Variants in TTC7A observed in about 807,000 individuals in gnomAD.
TTC7A encodes the protein tetratricopeptide repeat domain 7A.
In TTC7A, 110 loss-of-function variants were observed where a neutral mutation model predicts 103.7. The ratio of observed to expected loss-of-function variants is 1.06; its 90% CI spans 0.91 to 1.24. The LOEUF is 1.24. Ranked by LOEUF, TTC7A falls within the 50% of genes most tolerant of loss-of-function variation. The pLI is 0.00. For synonymous variants in TTC7A, 521 were observed against 467.9 expected, an observed-to-expected ratio of 1.11 and a Z score of -1.47; for missense variants, 1,340 against 1,116.3, an observed-to-expected ratio of 1.20 and a Z score of -2.86.
At chr2:46,980,672 G>A (rs1478843374) in intron 5 of TTC7A, among the ~76,000 whole-genome samples, 1 of 152,198 alleles carries the variant, frequency 6.6e-6, no homozygotes, top group African/African-American at 2.4e-5. Context: ...TGGGGCAGGG[G>A]AAATGGAAGG....
intron 14 of TTC7A, among the ~76,000 whole-genome samples, chr2:47,025,103 C>G (rs1262863751): frequency 6.6e-6 from 1 of 152,226 alleles, no homozygotes; most frequent in African/African-American, 2.4e-5. Flanking sequence ...CTTTGGCTCT[C>G]ACAGTGGAGC....
intron 3 of TTC7A, among the ~76,000 whole-genome samples, chr2:46,958,903 G>C (rs1340874796): frequency 1.3e-5 from 2 of 152,162 alleles, no homozygotes; most frequent in African/African-American, 4.8e-5. Flanking sequence ...TGGCAGCAGG[G>C]GCCACAGAGT....
At chr2:47,036,935 C>T (rs911104749) in intron 15 of TTC7A, among the ~76,000 whole-genome samples, 2 of 152,196 alleles carry the variant, frequency 1.3e-5, no homozygotes, top group African/African-American at 4.8e-5. Flanking sequence ...AGCATATCCC[C>T]CGCATCCTGG....
Position 46,933,742 on chromosome 2 carries a change from G to T in TTC7A, c.82+16465G>T, listed in dbSNP as rs372805212. Among the ~76,000 whole-genome samples, 17 of 152,362 alleles carry T rather than the reference G, an allele frequency of 1.1e-4. 1 individual carries two copies. The South Asian group carries it at 3.5e-3, about 32-fold the overall frequency. ...TGTGCTCTACTTCGCATATACTGAT[G>T]ATCTGAGTGGCTGAAATGACTGTTG... On this transcript the variant is annotated intron_variant, in intron 2 of 20. Transcript: ENST00000409245.
At chr2:46,922,437 A>AT (rs568302793) in intron 2 of TTC7A, among the ~76,000 whole-genome samples, 2 of 151,992 alleles carry the variant, frequency 1.3e-5, no homozygotes, top group Admixed American at 6.6e-5. Flanking sequence ...ATTTTTAGTT[A>AT]TTTTTTTAAC....
intron 11 of TTC7A, among the ~76,000 whole-genome samples, chr2:47,015,607 C>T (rs1678562984): frequency 6.6e-6 from 1 of 152,176 alleles, no homozygotes; most frequent in African/African-American, 2.4e-5. Context: ...TCATGTCCGC[C>T]ATTATGGGGT....
rs1327630042 is a variant in TTC7A at position 46,950,428 on chromosome 2, A to G, written c.250A>G (p.Lys84Glu). The change falls in exon 2 of 20, where the codon AAA becomes GAA. Residue 84 changes from lysine (K) to glutamate (E), a missense_variant. Coordinates refer to ENST00000319190, the MANE Select transcript of TTC7A (RefSeq NM_020458.4). ...LEQCLKENHA[K>E]IKDSMPLLEK... is the part of the protein sequence containing the mutation. ...GCAGTGTTTGAAGGAGAACCATGCC[A>G]AAATAAAAGACTCCATGCCTTTGCT... is the stretch of plus-strand genomic sequence containing the variant. The G allele has an allele frequency of 6.2e-7, 1 of 1,614,070 alleles. No individual in the cohort carries two copies. The highest frequency in any genetic ancestry group is 8.5e-7 in the Non-Finnish European group (1 of 1,180,052).
intron 4 of TTC7A, among the ~76,000 whole-genome samples, chr2:46,976,225 G>T (rs192509066): frequency 7.4e-4 from 112 of 152,264 alleles, no homozygotes; most frequent in African/African-American, 2.5e-3. Flanking sequence ...GGATGAAATC[G>T]GTCCTGTTGT....
At chr2:47,043,019 T>G (rs1681930051) in intron 15 of TTC7A, among the ~76,000 whole-genome samples, 1 of 152,106 alleles carries the variant, frequency 6.6e-6, no homozygotes, top group Non-Finnish European at 1.5e-5. Context: ...TCCCCCTGGC[T>G]GTGAGGGCCC....
chr2:46,989,820 C>CTG (rs10650352), intron 5 of TTC7A, among the ~76,000 whole-genome samples: 78,123 of 137,426 alleles, frequency 0.57, 20,454 homozygotes, highest in East Asian at 0.73. Context: ...GTGTGTGCAT[C>CTG]TGTGTGTGTG....
rs1416207300 is a variant in TTC7A, at chr2:47,007,960, C to G, written c.1287+1236C>G. On this transcript the variant is annotated intron_variant, in intron 10 of 19. Transcript: ENST00000319190. This position sits in a 1 kb window ranked among gnomAD's most constrained non-coding sequence, Gnocchi z 4.9. ...GAGTGAGAGAAACCCTCCTACAGAA[C>G]TGCAGGCAAAGGAGACAATGTGGGC... Among the ~76,000 whole-genome samples, 1 of 152,222 alleles carries G rather than the reference C, an allele frequency of 6.6e-6. No individual in the cohort carries two copies. Among genetic ancestry groups the G allele is most frequent in the African/African-American group, 2.4e-5 (1 of 41,454 alleles).
intron 1 of TTC7A, chr2:46,916,623 TTTTG>T (rs1289581766): frequency 6.4e-6 from 1 of 156,754 alleles, no homozygotes; most frequent in Non-Finnish European, 1.4e-5. Flanking sequence ...AGGACGGTCG[TTTTG>T]TTTTTTTGTT....
intron 15 of TTC7A, among the ~76,000 whole-genome samples, chr2:47,044,559 G>T (rs1325422432): frequency 6.6e-6 from 1 of 152,208 alleles, no homozygotes; most frequent in Non-Finnish European, 1.5e-5. Flanking sequence ...GGACCTGATA[G>T]GCAAGCCAGG....
intron 3 of TTC7A, among the ~76,000 whole-genome samples, chr2:46,960,583 A>G (rs1364887117): frequency 2.6e-5 from 4 of 152,176 alleles, no homozygotes; most frequent in African/African-American, 7.2e-5. Context: ...ACACCTTACA[A>G]CTTTCCCAGG....
At chr2:47,030,856 C>T (rs1439601304) in intron 15 of TTC7A, among the ~76,000 whole-genome samples, 3 of 152,214 alleles carry the variant, frequency 2.0e-5, no homozygotes, top group Non-Finnish European at 4.4e-5. Context: ...ATTCAAGAGA[C>T]TACTAAAGGC....
chr2:46,930,659 G>A (rs890960487), intron 2 of TTC7A, among the ~76,000 whole-genome samples: 30 of 152,000 alleles, frequency 2.0e-4, no homozygotes, highest in Non-Finnish European at 3.2e-4. Context: ...GCAACCACGT[G>A]CAGCTAATTT....
At chr2:46,973,944 A>G (rs1224491189) in intron 3 of TTC7A, among the ~76,000 whole-genome samples, 1 of 152,108 alleles carries the variant, frequency 6.6e-6, no homozygotes, top group Non-Finnish European at 1.5e-5. Flanking sequence ...CTGCTGAGAA[A>G]TCCCCTTAAC....
At chr2:47,032,934 G>A (rs1211672486) in intron 15 of TTC7A, among the ~76,000 whole-genome samples, 1 of 150,882 alleles carries the variant, frequency 6.6e-6, no homozygotes, top group Non-Finnish European at 1.5e-5. Context: ...ATATATGGCT[G>A]GGGTGGGGCT....
intron 15 of TTC7A, among the ~76,000 whole-genome samples, chr2:47,041,450 T>C (rs1182710870): frequency 1.3e-5 from 2 of 152,078 alleles, no homozygotes; most frequent in Non-Finnish European, 2.9e-5. Flanking sequence ...CTAGAATGTC[T>C]GACATTAAAA....
Sources: gnomAD v4.1 joint callset for allele counts (sites outside exome capture counted in the v4.1 genomes callset) on GRCh38, gnomAD v4.1.1 for gene constraint, Gnocchi (gnomAD v3.1) non-coding constraint, MANE v1.5 for transcripts, NCBI Gene and HGNC (gene_info 2026-07-23, HGNC 2026-07-21) for gene names.